Variants in OPCML observed in about 807,000 individuals in gnomAD.
OPCML encodes opioid-binding protein/cell adhesion molecule.
OPCML carries 13 observed loss-of-function variants against 37.8 expected under a neutral mutation model. The observed-to-expected ratio is 0.34, with a 90% CI of 0.22 to 0.55. The LOEUF is 0.55. Among genes scored for constraint, OPCML ranks in the 20% least tolerant of loss-of-function variants. The probability of loss-of-function intolerance (pLI) is 0.91; values close to 1 mark genes in which losing one functional copy is unlikely to be tolerated. For missense variants in OPCML, 341 were observed against 435.6 expected (o/e 0.78, Z 1.93); for synonymous variants, 176 against 168.8 (o/e 1.04, Z -0.33).
At chr11:133,255,878 T>C (rs1941296517) in intron 1 of OPCML, among the ~76,000 whole-genome samples, 1 of 152,354 alleles carries the variant, frequency 6.6e-6, no homozygotes, top group East Asian at 1.9e-4. Context: ...GTCTGCATTT[T>C]TCTTTTCTTC....
intron 1 of OPCML, among the ~76,000 whole-genome samples, chr11:133,329,448 A>G (rs1337893958): frequency 2.0e-5 from 3 of 152,232 alleles, no homozygotes; most frequent in African/African-American, 7.2e-5. Flanking sequence ...ATGAGGCTAC[A>G]GTAACCAAAA....
chr11:133,371,488 T>C (rs1203547666), intron 1 of OPCML, among the ~76,000 whole-genome samples: 2 of 152,164 alleles, frequency 1.3e-5, no homozygotes, highest in Non-Finnish European at 2.9e-5. Flanking sequence ...AGGGAACTGA[T>C]GGGAGGTGGT....
At chr11:133,268,195 C>A (rs1030437197) in intron 1 of OPCML, among the ~76,000 whole-genome samples, 1 of 152,184 alleles carries the variant, frequency 6.6e-6, no homozygotes, top group African/African-American at 2.4e-5. Flanking sequence ...CTTCTTACAT[C>A]CCACTGACTT....
intron 1 of OPCML, among the ~76,000 whole-genome samples, chr11:133,207,159 G>A (rs1275424177): frequency 6.6e-6 from 1 of 151,284 alleles, no homozygotes; most frequent in African/African-American, 2.4e-5. Context: ...AATTAACCAG[G>A]TGTGGTGGCG....
intron 4 of OPCML, among the ~76,000 whole-genome samples, chr11:132,439,924 C>A (rs7926244): frequency 0.27 from 41,036 of 152,056 alleles, 5,809 homozygotes; most frequent in Non-Finnish European, 0.31. Flanking sequence ...AGACCCAGAT[C>A]ATGCTGCTTG....
chr11:133,476,392 GTT>G (rs10714775), intron 1 of OPCML, among the ~76,000 whole-genome samples: 222 of 148,628 alleles, frequency 1.5e-3, no homozygotes, highest in African/African-American at 4.6e-3. Flanking sequence ...TCTGTTGTTA[GTT>G]TTTTTTTTTT....
chr11:133,510,903 G>GCGCA (rs1053979469), intron 1 of OPCML, among the ~76,000 whole-genome samples: 2 of 147,434 alleles, frequency 1.4e-5, no homozygotes, highest in African/African-American at 4.9e-5. Flanking sequence ...ACACACACAC[G>GCGCA]CACACACACA....
chr11:133,491,561 A>G (rs983715389), intron 1 of OPCML, among the ~76,000 whole-genome samples: 2 of 152,150 alleles, frequency 1.3e-5, no homozygotes, highest in Non-Finnish European at 2.9e-5. Flanking sequence ...TAAGGACATC[A>G]GGGAGCACTG....
chr11:133,136,642 A>G (rs1949695391), intron 1 of OPCML, among the ~76,000 whole-genome samples: 1 of 152,130 alleles, frequency 6.6e-6, no homozygotes, highest in Non-Finnish European at 1.5e-5. Flanking sequence ...CTGAGAGAAT[A>G]GGGAAAAGGA....
intron 1 of OPCML, among the ~76,000 whole-genome samples, chr11:133,228,240 A>G (rs138259239): frequency 6.6e-6 from 1 of 151,896 alleles, no homozygotes; most frequent in African/African-American, 2.4e-5. Flanking sequence ...TGGTCCCTTC[A>G]CCCGCTCAGC....
intron 2 of OPCML, among the ~76,000 whole-genome samples, chr11:132,706,881 AT>A (rs763598980): frequency 1.3e-5 from 2 of 152,230 alleles, no homozygotes; most frequent in Non-Finnish European, 2.9e-5. Flanking sequence ...TTTCTGATTT[AT>A]TCCTTCTTTG....
intron 1 of OPCML, among the ~76,000 whole-genome samples, chr11:133,118,934 G>A (rs563154234): frequency 3.5e-4 from 54 of 152,312 alleles, no homozygotes; most frequent in African/African-American, 1.3e-3. Flanking sequence ...TATTAAAATA[G>A]CAGTAATTTG....
chr11:133,226,518 A>G (rs1940046710), intron 1 of OPCML, among the ~76,000 whole-genome samples: 1 of 152,136 alleles, frequency 6.6e-6, no homozygotes, highest in South Asian at 2.1e-4. Context: ...CCCTTAATTA[A>G]CTAGACACTT....
chr11:133,160,470 C>T (rs1950126938), intron 1 of OPCML, among the ~76,000 whole-genome samples: 1 of 152,186 alleles, frequency 6.6e-6, no homozygotes, highest in Admixed American at 6.5e-5. Context: ...GGAAACTGAC[C>T]TGCTTGCTAC....
At chr11:132,962,627 C>T (rs1029812211) in intron 1 of OPCML, among the ~76,000 whole-genome samples, 12 of 152,304 alleles carry the variant, frequency 7.9e-5, no homozygotes, top group Non-Finnish European at 1.3e-4. Context: ...ACACACTCCC[C>T]GAATGGACAA....
intron 1 of OPCML, among the ~76,000 whole-genome samples, chr11:132,954,205 T>C (rs1945926621): frequency 6.6e-6 from 1 of 152,160 alleles, no homozygotes; most frequent in South Asian, 2.1e-4. Context: ...TCTAGGCATT[T>C]TGCTTGGCCT....
intron 2 of OPCML, among the ~76,000 whole-genome samples, chr11:132,755,228 TTTC>T (rs1416191338): frequency 6.6e-6 from 1 of 152,210 alleles, no homozygotes; most frequent in Non-Finnish European, 1.5e-5. Flanking sequence ...TTGCTTCATC[TTTC>T]TTCTTGCAAT....
intron 1 of OPCML, among the ~76,000 whole-genome samples, chr11:133,447,931 TG>T (rs1946504940): frequency 6.6e-6 from 1 of 152,220 alleles, no homozygotes; most frequent in Non-Finnish European, 1.5e-5. Flanking sequence ...ATATATTCTA[TG>T]TATAAGTGTT....
intron 1 of OPCML, among the ~76,000 whole-genome samples, chr11:133,082,290 G>A (rs934370457): frequency 6.6e-6 from 1 of 151,558 alleles, no homozygotes; most frequent in Non-Finnish European, 1.5e-5. Context: ...GGGGCCTTGG[G>A]TAGGCGAGCC....
Sources: allele counts gnomAD v4.1 joint callset (sites outside exome capture counted in the v4.1 genomes callset), GRCh38; gene constraint gnomAD v4.1.1; transcripts MANE v1.5; gene names NCBI Gene and HGNC (gene_info 2026-07-23, HGNC 2026-07-21).